The following TMEM229A variants were observed in gnomAD, a reference collection of about 807,000 sequenced individuals.
TMEM229A encodes the protein transmembrane protein 229A.
In TMEM229A, 23 loss-of-function variants were observed where a neutral mutation model predicts 30.0. That is an observed-to-expected ratio of 0.77 (90% CI 0.55 to 1.09). TMEM229A has a LOEUF of 1.09. Ranked by LOEUF, TMEM229A falls within the 50% of genes least tolerant of loss-of-function variation. The pLI is 0.00. For missense variants in TMEM229A, 534 were observed against 525.9 expected, an observed-to-expected ratio of 1.02 and a Z score of -0.15; for synonymous variants, 264 against 241.5, an observed-to-expected ratio of 1.09 and a Z score of -0.86.
In TMEM229A at chr7:124,031,838, TTTTC is replaced by T. The variant is rs562410649; in HGVS notation, c.*19_*22del. 4.5e-4 allele frequency: 654 copies of T among 1,466,112 alleles called. 6 individuals carry two copies. In the African/African-American group the frequency reaches 8.6e-3, roughly 19 times the overall value. The allele number at this position is 1,466,112 out of a possible 1,614,324, so 90.8% of individuals were successfully genotyped here. ...TCGTGGGAATCCAGTGACTTTTTCC[TTTTC>T]TTTCTTTCTTTTTTGGTTTTAGTTA... is the stretch of plus-strand genomic sequence containing the variant. On this transcript the variant is annotated 3_prime_UTR_variant, in exon 1 of 1. Transcript: ENST00000455783. The surrounding 1 kb of genome is among the most constrained non-coding windows in gnomAD (Gnocchi z 4.1).
At position 124,032,010 on chromosome 7, in the gene TMEM229A, C is replaced by G. The variant is rs540636871; in HGVS notation, c.994G>C (p.Gly332Arg). The change falls in exon 1 of 1, where the codon GGG becomes CGG. Residue 332 changes from glycine (G) to arginine (R), a missense_variant. Transcript: ENST00000455783. This position sits in a 1 kb window ranked among gnomAD's most constrained non-coding sequence, Gnocchi z 6.6. ...TGAGAATAGTCCCAGGAACAAGCCC[C>G]GCACGTGCGGAGTCCCAGACCCCAG... is the stretch of plus-strand genomic sequence containing the variant. ...LSWGLGLRTC[G>R]ACSWDYSHYP... 30 of 1,551,648 alleles carry G rather than the reference C, an allele frequency of 1.9e-5. No homozygotes were observed. In the East Asian group the frequency reaches 7.1e-4, roughly 37 times the overall value.
rs1449465339 is a variant in TMEM229A, at chr7:124,031,825, A to T, written c.*36T>A. On this transcript the variant is annotated 3_prime_UTR_variant, in exon 1 of 1. Transcript: ENST00000455783. This position sits in a 1 kb window ranked among gnomAD's most constrained non-coding sequence, Gnocchi z 4.1. ...AAATCGCATCCATTCGTGGGAATCC[A>T]GTGACTTTTTCCTTTTCTTTCTTTC... 3 of 1,459,766 alleles carry T rather than the reference A, an allele frequency of 2.1e-6. No individual in the cohort carries two copies. The Admixed American group carries it at 8.0e-5, about 39-fold the overall frequency. 90.4% of individuals were successfully genotyped at this position (1,459,766 alleles called of 1,614,324 possible). A position where few individuals can be genotyped will look rare whatever the true frequency, so the allele number is the denominator to read the frequency against.
Position 124,032,481 on chromosome 7 carries a change from T to C in TMEM229A, c.523A>G (p.Lys175Glu). Reference sequence around the variant, plus strand: ...CCGTACCGCAAGCGCAGGAAGCGCTTCAGGAACACTTGGCAGTGGTAGAGC... The same window carrying C: ...CCGTACCGCAAGCGCAGGAAGCGCTCCAGGAACACTTGGCAGTGGTAGAGC... Reference protein sequence around the residue: ...LALYHCQVFLKRFLRLRYGRQ... With the variant: ...LALYHCQVFLERFLRLRYGRQ... The change falls in exon 1 of 1, where the codon AAG becomes GAG. Residue 175 changes from lysine to glutamate, a missense_variant. Transcript: ENST00000455783. This position sits in a 1 kb window ranked among gnomAD's most constrained non-coding sequence, Gnocchi z 6.6. The C allele has an allele frequency of 6.5e-7, 1 of 1,549,706 alleles. No homozygotes were observed. The highest frequency in any genetic ancestry group is 8.7e-7 in the Non-Finnish European group (1 of 1,146,570).
Position 124,032,722 on chromosome 7 carries a change from G to A in TMEM229A, c.282C>T (p.Cys94=). The A allele has an allele frequency of 1.9e-6, 3 of 1,551,488 alleles. No homozygotes were observed. The highest frequency in any genetic ancestry group is 2.6e-6 in the Non-Finnish European group (3 of 1,146,896). Residue 94 remains cysteine, a synonymous_variant, in exon 1 of 1, where the codon TGC becomes TGT. Transcript: ENST00000455783. This position sits in a 1 kb window ranked among gnomAD's most constrained non-coding sequence, Gnocchi z 6.6. ...CGAAATGGGTGAGCGAGTGCAGCAGGCAGCGGTAGGGCGAGGAGAAGCCTA... is the reference window on the plus strand; with the variant it reads ...CGAAATGGGTGAGCGAGTGCAGCAGACAGCGGTAGGGCGAGGAGAAGCCTA... The part of the protein sequence containing the change: ...RMLGFSSPYR[C]LLHSLTHFAL...
Position 124,032,992 on chromosome 7 carries a change from G to C in TMEM229A, c.12C>G (p.Ser4Arg). The change falls in exon 1 of 1, where the codon AGC (serine) becomes AGG (arginine). Residue 4 changes from serine (S) to arginine (R), a missense_variant. Physicochemically the swap from Ser to Arg is moderately radical, Grantham distance 110 (BLOSUM62 -1). Transcript: ENST00000455783. This position sits in a 1 kb window ranked among gnomAD's most constrained non-coding sequence, Gnocchi z 6.6. ...GTGCGGGGCCCTCGCTGTCCACGTC[G>C]CTCCCCGCCATGGGCTCGGAGGCTG... is the stretch of plus-strand genomic sequence containing the variant. MAG[S>R]DVDSEGPARR... 1 of 1,275,600 alleles carries C rather than the reference G, an allele frequency of 7.8e-7. No individual in the cohort carries two copies. Among genetic ancestry groups the C allele is most frequent in the African/African-American group, 1.6e-5 (1 of 64,052 alleles). 79.0% of individuals were successfully genotyped at this position (1,275,600 alleles called of 1,614,324 possible).
Position 124,032,383 on chromosome 7 carries a change from G to C in TMEM229A, c.621C>G (p.Val207=). 1 of 1,542,030 alleles carries C rather than the reference G, an allele frequency of 6.5e-7. No individual in the cohort carries two copies. The highest frequency in any genetic ancestry group is 8.7e-7 in the Non-Finnish European group (1 of 1,144,562). Residue 207 remains valine, a synonymous_variant, in exon 1 of 1, where the codon GTC becomes GTG. Transcript: ENST00000455783. This position sits in a 1 kb window ranked among gnomAD's most constrained non-coding sequence, Gnocchi z 6.6. ...CAGTAGGGACCCGGGCGCCGGGAGGGACGGGGAGCGCGCCCCTCCGCTGCT... is the reference window on the plus strand; with the variant it reads ...CAGTAGGGACCCGGGCGCCGGGAGGCACGGGGAGCGCGCCCCTCCGCTGCT... ...QQQQRRGALP[V]PPGARVPTAA...
At position 124,032,359 on chromosome 7, in the gene TMEM229A, A is replaced by C; in HGVS notation, c.645T>G (p.Thr215=). 6.5e-7 allele frequency: 1 copy of C among 1,541,224 alleles called. No homozygotes were observed. The highest frequency in any genetic ancestry group is 8.7e-7 in the Non-Finnish European group (1 of 1,143,596). Residue 215 remains threonine (T), a synonymous_variant, in exon 1 of 1, where the codon ACT becomes ACG. Coordinates refer to ENST00000455783, the MANE Select transcript of TMEM229A (RefSeq NM_001136002.2). The surrounding 1 kb of genome is among the most constrained non-coding windows in gnomAD (Gnocchi z 6.6). The stretch of plus-strand genomic sequence containing the variant: ...GTCGTCGCCGCCGGGCTCCGGCCGC[A>C]GTAGGGACCCGGGCGCCGGGAGGGA... ...LPVPPGARVP[T]AAGARRRRPR...
chr7:124,032,215 G>T lies in TMEM229A; in HGVS notation c.789C>A (p.Asn263Lys). ...TTGTCCCGTCCCCCTGCCCCAGTACGTTGAAGAAGAAGGTGAAGAAGATCT... is the reference window on the plus strand; with the variant it reads ...TTGTCCCGTCCCCCTGCCCCAGTACTTTGAAGAAGAAGGTGAAGAAGATCT... ...LDEIFFTFFF[N>K]VLGQGDGTTS... The change falls in exon 1 of 1, where the codon AAC (asparagine) becomes AAA (lysine). Residue 263 changes from asparagine (N) to lysine (K), a missense_variant. Asn to Lys is a moderately conservative substitution (Grantham distance 94). Transcript: ENST00000455783. The surrounding 1 kb of genome is among the most constrained non-coding windows in gnomAD (Gnocchi z 6.6). 1.9e-6 allele frequency: 3 copies of T among 1,551,820 alleles called. No individual in the cohort carries two copies. The highest frequency in any genetic ancestry group is 2.6e-6 in the Non-Finnish European group (3 of 1,147,024).
Position 124,032,077 on chromosome 7 carries a change from C to T in TMEM229A, c.927G>A (p.Arg309=), listed in dbSNP as rs1244386730. Residue 309 remains arginine (R), a synonymous_variant, in exon 1 of 1, where the codon CGG becomes CGA. Coordinates refer to ENST00000455783, the MANE Select transcript of TMEM229A (RefSeq NM_001136002.2). The surrounding 1 kb of genome is among the most constrained non-coding windows in gnomAD (Gnocchi z 6.6). The stretch of plus-strand genomic sequence containing the variant: ...AGATGAAGATCACGTAGATGGGCAC[C>T]CGCTTCCAAGTGCCCCAACCGCGGC... The part of the protein sequence containing the change: ...HYSRGWGTWK[R]VPIYVIFIYV... The T allele has an allele frequency of 3.2e-6, 5 of 1,551,690 alleles. No homozygotes were observed. In the African/African-American group the frequency reaches 6.8e-5, roughly 21 times the overall value.
Position 124,032,493 on chromosome 7 carries a change from G to T in TMEM229A, c.511C>A (p.Gln171Lys). Residue 171 changes from glutamine to lysine, a missense_variant, in exon 1 of 1, where the codon CAA (glutamine) becomes AAA (lysine). Transcript: ENST00000455783. The surrounding 1 kb of genome is among the most constrained non-coding windows in gnomAD (Gnocchi z 6.6). The part of the protein sequence containing the change: ...LQYVLALYHC[Q>K]VFLKRFLRLR... ...CGCAGGAAGCGCTTCAGGAACACTTGGCAGTGGTAGAGCGCCAGCACGTAC... is the reference window on the plus strand; with the variant it reads ...CGCAGGAAGCGCTTCAGGAACACTTTGCAGTGGTAGAGCGCCAGCACGTAC... The T allele has an allele frequency of 3.9e-6, 6 of 1,550,214 alleles. No individual in the cohort carries two copies. Among genetic ancestry groups the T allele is most frequent in the Non-Finnish European group, 5.2e-6 (6 of 1,146,650 alleles).
chr7:124,032,016 T>G lies in TMEM229A; in HGVS notation c.988A>C (p.Thr330Pro). 1 of 1,551,654 alleles carries G rather than the reference T, an allele frequency of 6.4e-7. No homozygotes were observed. Among genetic ancestry groups the G allele is most frequent in the Non-Finnish European group, 8.7e-7 (1 of 1,146,980 alleles). The change falls in exon 1 of 1, where the codon ACG becomes CCG. Residue 330 changes from threonine to proline, a missense_variant. Physicochemically the swap from Thr to Pro is conservative, Grantham distance 38. Transcript: ENST00000455783. This position sits in a 1 kb window ranked among gnomAD's most constrained non-coding sequence, Gnocchi z 6.6. ...WELSWGLGLR[T>P]CGACSWDYSH... The stretch of plus-strand genomic sequence containing the variant: ...TAGTCCCAGGAACAAGCCCCGCACG[T>G]GCGGAGTCCCAGACCCCAGGACAGC...
In TMEM229A at chr7:124,033,034, T is replaced by C; in HGVS notation, c.-31A>G. 5 of 1,208,036 alleles carry C rather than the reference T, an allele frequency of 4.1e-6. No homozygotes were observed. The highest frequency in any genetic ancestry group is 4.1e-6 in the Non-Finnish European group (4 of 974,152). The allele number at this position is 1,208,036 out of a possible 1,614,324, so 74.8% of individuals were successfully genotyped here. A position where few individuals can be genotyped will look rare whatever the true frequency, so the allele number is the denominator to read the frequency against. On this transcript the variant is annotated 5_prime_UTR_variant, in exon 1 of 1. Coordinates refer to ENST00000455783, the MANE Select transcript of TMEM229A (RefSeq NM_001136002.2). ...CGGAGGCTGTCCGAACGCCCGAGGCTGCACCGCCGCCGCTGCCGGGTGCGC... is the reference window on the plus strand; with the variant it reads ...CGGAGGCTGTCCGAACGCCCGAGGCCGCACCGCCGCCGCTGCCGGGTGCGC...
Position 124,031,520 on chromosome 7 carries a change from C to A in TMEM229A, c.*341G>T. 5.7e-6 allele frequency: 1 copy of A among 174,900 alleles called. No individual in the cohort carries two copies. 10.8% of individuals were successfully genotyped at this position (174,900 alleles called of 1,614,324 possible). ...AAAAAAAAAAAATTAGTAGCTGTCA[C>A]TCATCTGTTGCCAGATGGGTAAACA... On this transcript the variant is annotated 3_prime_UTR_variant, in exon 1 of 1. Transcript: ENST00000455783. The surrounding 1 kb of genome is among the most constrained non-coding windows in gnomAD (Gnocchi z 4.1).
At position 124,032,812 on chromosome 7, in the gene TMEM229A, C is replaced by A; in HGVS notation, c.192G>T (p.Gly64=). 1.3e-6 allele frequency: 2 copies of A among 1,550,208 alleles called. No homozygotes were observed. Among genetic ancestry groups the A allele is most frequent in the Middle Eastern group, 1.7e-4 (1 of 5,988 alleles). ...AGGACACCAGCACGTCCAGGGTGAT[C>A]CCGTGCATCCCGTAGAAGTAGAGGC... is the stretch of plus-strand genomic sequence containing the variant. ...WMRLYFYGMH[G]ITLDVLVSSA... The change falls in exon 1 of 1, where the codon GGG becomes GGT. Residue 64 remains glycine (G), a synonymous_variant. Coordinates refer to ENST00000455783, the MANE Select transcript of TMEM229A (RefSeq NM_001136002.2). The surrounding 1 kb of genome is among the most constrained non-coding windows in gnomAD (Gnocchi z 6.6).
chr7:124,031,821 A>T lies in TMEM229A; in HGVS notation c.*40T>A, dbSNP rs1793136377. 7 of 1,458,666 alleles carry T rather than the reference A, an allele frequency of 4.8e-6. No individual in the cohort carries two copies. The South Asian group carries it at 8.8e-5, about 18-fold the overall frequency. The allele number at this position is 1,458,666 out of a possible 1,614,324, so 90.4% of individuals were successfully genotyped here. A position where few individuals can be genotyped will look rare whatever the true frequency, so the allele number is the denominator to read the frequency against. On this transcript the variant is annotated 3_prime_UTR_variant, in exon 1 of 1. Coordinates refer to ENST00000455783, the MANE Select transcript of TMEM229A (RefSeq NM_001136002.2). This position sits in a 1 kb window ranked among gnomAD's most constrained non-coding sequence, Gnocchi z 4.1. ...AAATAAATCGCATCCATTCGTGGGAATCCAGTGACTTTTTCCTTTTCTTTC... is the reference window on the plus strand; with the variant it reads ...AAATAAATCGCATCCATTCGTGGGATTCCAGTGACTTTTTCCTTTTCTTTC...
Position 124,032,932 on chromosome 7 carries a change from A to G in TMEM229A, c.72T>C (p.Pro24=). Residue 24 remains proline (P), a synonymous_variant, in exon 1 of 1, where the codon CCT becomes CCC. Coordinates refer to ENST00000455783, the MANE Select transcript of TMEM229A (RefSeq NM_001136002.2). The surrounding 1 kb of genome is among the most constrained non-coding windows in gnomAD (Gnocchi z 6.6). ...CTGCCGCCTCGCTTCCTGGCCCGCC[A>G]GGGGCCCCCGGACGCCGCGCCGCGC... The part of the protein sequence containing the change: ...RGGAARRPGA[P]GGPGSEAAAG... 1 of 1,357,200 alleles carries G rather than the reference A, an allele frequency of 7.4e-7. No individual in the cohort carries two copies. Among genetic ancestry groups the G allele is most frequent in the South Asian group, 1.9e-5 (1 of 52,894 alleles). 84.1% of individuals were successfully genotyped at this position (1,357,200 alleles called of 1,614,324 possible).
At position 124,032,462 on chromosome 7, in the gene TMEM229A, C is replaced by G; in HGVS notation, c.542G>C (p.Arg181Pro). The G allele has an allele frequency of 6.5e-7, 1 of 1,548,952 alleles. No individual in the cohort carries two copies. Among genetic ancestry groups the G allele is most frequent in the Non-Finnish European group, 8.7e-7 (1 of 1,146,570 alleles). The change falls in exon 1 of 1, where the codon CGG (arginine) becomes CCG (proline). Residue 181 changes from arginine (R) to proline (P), a missense_variant. Coordinates refer to ENST00000455783, the MANE Select transcript of TMEM229A (RefSeq NM_001136002.2). This position sits in a 1 kb window ranked among gnomAD's most constrained non-coding sequence, Gnocchi z 6.6. Reference protein sequence around the residue: ...QVFLKRFLRLRYGRQRRRQQQ... With the variant: ...QVFLKRFLRLPYGRQRRRQQQ... ...CTGCCGCCGCCTCTGTCGCCCGTAC[C>G]GCAAGCGCAGGAAGCGCTTCAGGAA...
At position 124,032,325 on chromosome 7, in the gene TMEM229A, G is replaced by C; in HGVS notation, c.679C>G (p.Pro227Ala). The change falls in exon 1 of 1, where the codon CCC (proline) becomes GCC (alanine). Residue 227 changes from proline to alanine, a missense_variant. Pro to Ala is a conservative substitution (Grantham distance 27). Transcript: ENST00000455783. The surrounding 1 kb of genome is among the most constrained non-coding windows in gnomAD (Gnocchi z 6.6). ...AGARRRRPRG[P>A]RGAGGAPSQG... Reference sequence around the variant, plus strand: ...CTGGGGGCTCCCCCGGCGCCCCTGGGGCCACGGGGTCGTCGCCGCCGGGCT... The same window carrying C: ...CTGGGGGCTCCCCCGGCGCCCCTGGCGCCACGGGGTCGTCGCCGCCGGGCT... 6.5e-7 allele frequency: 1 copy of C among 1,546,050 alleles called. No homozygotes were observed. The highest frequency in any genetic ancestry group is 8.7e-7 in the Non-Finnish European group (1 of 1,145,128).
Position 124,032,157 on chromosome 7 carries a change from T to A in TMEM229A, c.847A>T (p.Met283Leu), listed in dbSNP as rs764022396. The A allele has an allele frequency of 6.4e-7, 1 of 1,551,686 alleles. No individual in the cohort carries two copies. The highest frequency in any genetic ancestry group is 2.0e-5 in the Admixed American group (1 of 51,004). Reference sequence around the variant, plus strand: ...ACCACGAAACTGCAGCTGCCGTACATAAAGAAGGACCAGAGCGACGTGTGG... The same window carrying A: ...ACCACGAAACTGCAGCTGCCGTACAAAAAGAAGGACCAGAGCGACGTGTGG... ...SGHTSLWSFF[M>L]YGSCSFVVEK... Residue 283 changes from methionine to leucine, a missense_variant, in exon 1 of 1, where the codon ATG (methionine) becomes TTG (leucine). Coordinates refer to ENST00000455783, the MANE Select transcript of TMEM229A (RefSeq NM_001136002.2). This position sits in a 1 kb window ranked among gnomAD's most constrained non-coding sequence, Gnocchi z 6.6.
Sources: gnomAD v4.1 joint callset for allele counts on GRCh38, gnomAD v4.1.1 for gene constraint, Gnocchi (gnomAD v3.1) non-coding constraint, MANE v1.5 for transcripts, NCBI Gene and HGNC (gene_info 2026-07-23, HGNC 2026-07-21) for gene names.